Variants in SNTB1 observed in about 807,000 individuals in gnomAD.
The protein encoded by SNTB1 is beta-1-syntrophin.
Under a neutral mutation model 48.9 loss-of-function variants are expected in SNTB1, and 36 were observed. The ratio of observed to expected loss-of-function variants is 0.74; its 90% CI spans 0.56 to 0.97. The LOEUF (loss-of-function observed/expected upper bound fraction) is 0.97, where lower values mean the gene tolerates loss of function less well. Among genes scored for constraint, SNTB1 ranks in the 50% least tolerant of loss-of-function variants. The pLI, the probability that SNTB1 is intolerant of heterozygous loss-of-function variation, is 0.00. For missense variants in SNTB1, 786 were observed against 703.4 expected (o/e 1.12, Z -1.33); for synonymous variants, 299 against 294.6 (o/e 1.01, Z -0.15).
intron 2 of SNTB1, among the ~76,000 whole-genome samples, chr8:120,671,824 G>C (rs1817762370): frequency 1.3e-5 from 2 of 152,314 alleles, no homozygotes; most frequent in South Asian, 4.1e-4. Context: ...GCTTCTTTGA[G>C]AGGAGAACCA....
At chr8:120,602,449 A>G (rs1030170102) in intron 3 of SNTB1, among the ~76,000 whole-genome samples, 4 of 152,220 alleles carry the variant, frequency 2.6e-5, no homozygotes, top group African/African-American at 7.2e-5. Flanking sequence ...GCCTTGTCCA[A>G]TCAGTTGAAG....
intron 1 of SNTB1, among the ~76,000 whole-genome samples, chr8:120,703,344 C>T (rs906684900): frequency 1.3e-5 from 2 of 152,204 alleles, no homozygotes; most frequent in South Asian, 2.1e-4. Flanking sequence ...AGGCTGGTCT[C>T]GAACTCCTGA....
intron 4 of SNTB1, among the ~76,000 whole-genome samples, chr8:120,549,453 C>T (rs535439027): frequency 6.6e-6 from 1 of 152,284 alleles, no homozygotes; most frequent in South Asian, 2.1e-4. Flanking sequence ...AACAAACAAG[C>T]TGAAACTCAG....
chr8:120,678,909 C>T (rs1291239631), intron 2 of SNTB1, among the ~76,000 whole-genome samples: 1 of 152,168 alleles, frequency 6.6e-6, no homozygotes, highest in Non-Finnish European at 1.5e-5. Flanking sequence ...GCATGGCCAA[C>T]CAGAAGCCCC....
In SNTB1 at chr8:120,617,159, C is replaced by G. The variant is rs1376622136; in HGVS notation, c.996+15285G>C. 2.6e-5 allele frequency among the ~76,000 whole-genome samples: 4 copies of G among 152,100 alleles called. No homozygotes were observed. In the East Asian group the frequency reaches 7.7e-4, roughly 29 times the overall value. On this transcript the variant is annotated intron_variant, in intron 3 of 6. Transcript: ENST00000517992. ...GTGTTAGTGTATTTTGTGTGTGGGC[C>G]AAGACAATTCTTCTTCTAATGTGGC... is the stretch of plus-strand genomic sequence containing the variant.
At chr8:120,807,635 C>G (rs1330519775) in intron 1 of SNTB1, among the ~76,000 whole-genome samples, 1 of 152,198 alleles carries the variant, frequency 6.6e-6, no homozygotes, top group African/African-American at 2.4e-5. Flanking sequence ...GTTTTGACAG[C>G]AGACATTTAG....
intron 3 of SNTB1, among the ~76,000 whole-genome samples, chr8:120,592,444 C>A (rs1165527480): frequency 1.3e-5 from 2 of 152,124 alleles, no homozygotes; most frequent in African/African-American, 2.4e-5. Context: ...CTACCTCAGT[C>A]TCCCAAAGTG....
At chr8:120,787,875 A>C (rs772380200) in intron 1 of SNTB1, among the ~76,000 whole-genome samples, 16 of 152,180 alleles carry the variant, frequency 1.1e-4, no homozygotes, top group Non-Finnish European at 2.2e-4. Flanking sequence ...AGATGATCAA[A>C]TAATTCCTGG....
intron 2 of SNTB1, among the ~76,000 whole-genome samples, chr8:120,683,705 T>C (rs1246738151): frequency 1.3e-5 from 2 of 152,136 alleles, no homozygotes; most frequent in Non-Finnish European, 2.9e-5. Flanking sequence ...GGCTTAAAAA[T>C]GTCTGTGAAA....
chr8:120,670,746 A>G (rs1817745371), intron 2 of SNTB1, among the ~76,000 whole-genome samples: 1 of 152,220 alleles, frequency 6.6e-6, no homozygotes. Context: ...TGGAAAGTGC[A>G]TAGTGGACAT....
At chr8:120,655,525 C>G (rs1338122837) in intron 2 of SNTB1, among the ~76,000 whole-genome samples, 1 of 152,166 alleles carries the variant, frequency 6.6e-6, no homozygotes, top group East Asian at 1.9e-4. Context: ...GCCCATCCTG[C>G]CTCTTCCCAT....
intron 2 of SNTB1, among the ~76,000 whole-genome samples, chr8:120,666,598 G>T (rs2129768627): frequency 6.6e-6 from 1 of 152,030 alleles, no homozygotes; most frequent in Non-Finnish European, 1.5e-5. Context: ...TTGCACGTAT[G>T]GTTTATTGAG....
chr8:120,603,393 G>A (rs1316477167), intron 3 of SNTB1, among the ~76,000 whole-genome samples: 3 of 152,168 alleles, frequency 2.0e-5, no homozygotes, highest in African/African-American at 4.8e-5. Context: ...GAGCCACCGC[G>A]CCCAGCTACC....
intron 3 of SNTB1, among the ~76,000 whole-genome samples, chr8:120,615,006 C>T (rs13261532): frequency 0.52 from 63,988 of 123,954 alleles, 17,328 homozygotes; most frequent in Non-Finnish European, 0.65. Context: ...AAAAAATTAG[C>T]CTGGTGTGGT....
intron 3 of SNTB1, 123 bp downstream of exon 3, chr8:120,632,321 T>C (rs1563836355): frequency 1.1e-6 from 1 of 934,934 alleles, no homozygotes. Context: ...TGGAGAGGAA[T>C]GAGAAATCCA....
chr8:120,801,271 G>C (rs1038519224), intron 1 of SNTB1, among the ~76,000 whole-genome samples: 1 of 151,974 alleles, frequency 6.6e-6, no homozygotes, highest in East Asian at 1.9e-4. Flanking sequence ...TATATTTTAA[G>C]TTTCACTTTG....
At chr8:120,649,651 C>A (rs1288646267) in intron 2 of SNTB1, among the ~76,000 whole-genome samples, 1 of 150,856 alleles carries the variant, frequency 6.6e-6, no homozygotes, top group East Asian at 2.0e-4. Context: ...AGAGGTGGAG[C>A]CTACAGAGGC....
intron 1 of SNTB1, among the ~76,000 whole-genome samples, chr8:120,713,163 C>T (rs1818493694): frequency 6.6e-6 from 1 of 152,136 alleles, no homozygotes; most frequent in East Asian, 1.9e-4. Flanking sequence ...ATGGACAACT[C>T]ATTTCATCTT....
intron 1 of SNTB1, among the ~76,000 whole-genome samples, chr8:120,804,024 T>C (rs1204287747): frequency 1.3e-5 from 2 of 152,160 alleles, no homozygotes; most frequent in Non-Finnish European, 2.9e-5. Context: ...GTTTCCTAGG[T>C]CTATAAAGTC....
Sources: gnomAD v4.1 joint callset for allele counts (sites outside exome capture counted in the v4.1 genomes callset) on GRCh38, gnomAD v4.1.1 for gene constraint, MANE v1.5 for transcripts, NCBI Gene and HGNC (gene_info 2026-07-23, HGNC 2026-07-21) for gene names.